ARHGAP15: variants seen among roughly 807,000 people sequenced by gnomAD.
ARHGAP15 encodes rho GTPase-activating protein 15.
A neutral mutation model predicts 63.7 loss-of-function variants in ARHGAP15; 51 were observed. The observed-to-expected ratio is 0.80, with a 90% CI of 0.64 to 1.01. The LOEUF (loss-of-function observed/expected upper bound fraction) is 1.01. ARHGAP15 is among the 50% of genes least tolerant of loss of function. ARHGAP15 has a pLI of 0.00. For synonymous variants in ARHGAP15, 191 were observed against 193.8 expected, an observed-to-expected ratio of 0.99 and a Z score of 0.12; for missense variants, 560 against 564.6, an observed-to-expected ratio of 0.99 and a Z score of 0.08.
chr2:143,379,487 A>ATG (rs58976215), intron 6 of ARHGAP15, among the ~76,000 whole-genome samples: 6,001 of 129,594 alleles, frequency 0.046, 169 homozygotes, highest in East Asian at 0.083. Flanking sequence ...AGGCATATAT[A>ATG]TGTGTGTGTG....
At chr2:143,545,241 T>C (rs953131946) in intron 10 of ARHGAP15, among the ~76,000 whole-genome samples, 6 of 152,082 alleles carry the variant, frequency 3.9e-5, no homozygotes, top group African/African-American at 1.2e-4. Flanking sequence ...ATCAAAACCT[T>C]CCAGGAAGTG....
Position 143,661,373 on chromosome 2 carries a change from C to T in ARHGAP15, c.1138+37106C>T, listed in dbSNP as rs561562260. ...TATAACATTGCTTACATGATAAACA[C>T]TTGAAATGTGACATTGTTTTTATAT... On this transcript the variant is annotated intron_variant, in intron 12 of 13. Coordinates refer to ENST00000295095, the MANE Select transcript of ARHGAP15 (RefSeq NM_018460.4). Among the ~76,000 whole-genome samples the T allele has an allele frequency of 4.6e-5, 7 of 152,200 alleles. No homozygotes were observed. The South Asian group carries it at 1.2e-3, about 27-fold the overall frequency.
chr2:143,327,386 GA>G (rs1163835334), intron 6 of ARHGAP15, among the ~76,000 whole-genome samples: 1 of 152,068 alleles, frequency 6.6e-6, no homozygotes, highest in Non-Finnish European at 1.5e-5. Context: ...CACAGAATTA[GA>G]AAAAACTACT....
intron 2 of ARHGAP15, among the ~76,000 whole-genome samples, chr2:143,173,665 G>C (rs911799637): frequency 1.8e-4 from 28 of 152,126 alleles, no homozygotes; most frequent in Non-Finnish European, 3.7e-4. Context: ...TGGATATTTT[G>C]AACTTTATTT....
chr2:143,568,251 A>G (rs969358600), intron 11 of ARHGAP15, among the ~76,000 whole-genome samples: 1 of 152,216 alleles, frequency 6.6e-6, no homozygotes, highest in Non-Finnish European at 1.5e-5. Context: ...GAATGGGAGA[A>G]AATTTTTGCA....
rs1336862677 is a variant in ARHGAP15 at position 143,619,265 on chromosome 2, G to A, written c.1004-4868G>A. On this transcript the variant is annotated intron_variant, in intron 11 of 13. Coordinates refer to ENST00000295095, the MANE Select transcript of ARHGAP15 (RefSeq NM_018460.4). The stretch of plus-strand genomic sequence containing the variant: ...AAATTTTTTCTTTCAAATATAATTT[G>A]TAAAGCTTGATATAAATAAGTTTTT... 6.6e-5 allele frequency among the ~76,000 whole-genome samples: 10 copies of A among 152,050 alleles called. No individual in the cohort carries two copies. In the East Asian group the frequency reaches 1.7e-3, roughly 26 times the overall value.
chr2:143,663,753 A>C (rs1188162969), intron 12 of ARHGAP15, among the ~76,000 whole-genome samples: 1 of 150,922 alleles, frequency 6.6e-6, no homozygotes, highest in Admixed American at 6.6e-5. Context: ...AAAAAAAGGC[A>C]GGGGTTGCAA....
intron 12 of ARHGAP15, among the ~76,000 whole-genome samples, chr2:143,673,561 G>T (rs1009855704): frequency 6.6e-6 from 1 of 151,126 alleles, no homozygotes; most frequent in Non-Finnish European, 1.5e-5. Flanking sequence ...GCATCCCAAA[G>T]TGCTGGGATT....
At chr2:143,261,475 A>G (rs1345043078) in intron 6 of ARHGAP15, among the ~76,000 whole-genome samples, 1 of 150,526 alleles carries the variant, frequency 6.6e-6, no homozygotes, top group Non-Finnish European at 1.5e-5. Context: ...AGTAGCTGGT[A>G]TTACAGGAAC....
intron 2 of ARHGAP15, among the ~76,000 whole-genome samples, chr2:143,171,257 G>T (rs1418498821): frequency 1.3e-5 from 2 of 152,076 alleles, no homozygotes; most frequent in Non-Finnish European, 2.9e-5. Flanking sequence ...CTGCCTTGTG[G>T]TTCAGAGTTT....
chr2:143,277,050 T>A (rs775384211), intron 6 of ARHGAP15, among the ~76,000 whole-genome samples: 5 of 152,152 alleles, frequency 3.3e-5, no homozygotes, highest in Middle Eastern at 3.2e-3. Flanking sequence ...TTCTTTGTAG[T>A]TGTCTTGTTT....
chr2:143,258,679 T>A (rs1680548236), intron 6 of ARHGAP15, among the ~76,000 whole-genome samples: 1 of 152,118 alleles, frequency 6.6e-6, no homozygotes, highest in Non-Finnish European at 1.5e-5. Flanking sequence ...AAATGGTTGA[T>A]GTTGGGGAGA....
chr2:143,244,062 T>A (rs1235594622), intron 5 of ARHGAP15, among the ~76,000 whole-genome samples: 1 of 152,232 alleles, frequency 6.6e-6, no homozygotes, highest in African/African-American at 2.4e-5. Context: ...TACTTCTCAC[T>A]TTGTGAACTG....
intron 1 of ARHGAP15, among the ~76,000 whole-genome samples, chr2:143,147,504 C>G (rs139546523): frequency 1.2e-4 from 19 of 152,114 alleles, no homozygotes; most frequent in African/African-American, 4.6e-4. Flanking sequence ...CTTATGCTCC[C>G]TAAATGTAAT....
At chr2:143,477,865 G>A (rs994431837) in intron 8 of ARHGAP15, among the ~76,000 whole-genome samples, 2 of 152,250 alleles carry the variant, frequency 1.3e-5, no homozygotes, top group African/African-American at 4.8e-5. Context: ...AAGCCTCTGA[G>A]CTCTGGGGTT....
intron 4 of ARHGAP15, among the ~76,000 whole-genome samples, chr2:143,219,904 A>C (rs1488544525): frequency 6.6e-6 from 1 of 152,170 alleles, no homozygotes. Flanking sequence ...CTGCTTTTTT[A>C]TTCAATAATT....
At chr2:143,149,867 G>T (rs914757915) in intron 1 of ARHGAP15, among the ~76,000 whole-genome samples, 21 of 152,026 alleles carry the variant, frequency 1.4e-4, no homozygotes, top group African/African-American at 5.1e-4. Flanking sequence ...CTATTGTTTT[G>T]TCAGGAAGCA....
intron 6 of ARHGAP15, among the ~76,000 whole-genome samples, chr2:143,359,997 T>C (rs1244565083): frequency 1.3e-5 from 2 of 152,112 alleles, no homozygotes; most frequent in Non-Finnish European, 2.9e-5. Flanking sequence ...CCTGGAAAGA[T>C]TGAGTTAATG....
rs200799267 is a variant in ARHGAP15 at position 143,399,081 on chromosome 2, C to CA, written c.475-36512dup. Reference sequence around the variant, plus strand: ...GAAAGAAATTGTAGAATAACAGGTGCAAAAAAAATGCAAACCACTTATAAA... The same window carrying CA: ...GAAAGAAATTGTAGAATAACAGGTGCAAAAAAAAATGCAAACCACTTATAAA... On this transcript the variant is annotated intron_variant, in intron 6 of 13. Coordinates refer to ENST00000295095, the MANE Select transcript of ARHGAP15 (RefSeq NM_018460.4). Among the ~76,000 whole-genome samples the CA allele has an allele frequency of 4.8e-3, 727 of 151,396 alleles. 9 individuals carry two copies. Among genetic ancestry groups the CA allele is most frequent in the African/African-American group, 0.016 (681 of 41,340 alleles).
Sources: gnomAD v4.1 joint callset for allele counts (sites outside exome capture counted in the v4.1 genomes callset) on GRCh38, gnomAD v4.1.1 for gene constraint, MANE v1.5 for transcripts, NCBI Gene and HGNC (gene_info 2026-07-23, HGNC 2026-07-21) for gene names.